Variants in SH3GL3 observed in about 807,000 individuals in gnomAD.
SH3GL3 encodes endophilin-A3.
SH3GL3 carries 33 observed loss-of-function variants against 47.7 expected under a neutral mutation model. The observed-to-expected ratio is 0.69, with a 90% CI of 0.52 to 0.92. The LOEUF (loss-of-function observed/expected upper bound fraction) is 0.92. SH3GL3 is among the 40% of genes least tolerant of loss of function. The pLI, the probability that SH3GL3 is intolerant of heterozygous loss-of-function variation, is 0.00. For missense variants in SH3GL3, 363 were observed against 417.8 expected (o/e 0.87, Z 1.14); for synonymous variants, 155 against 148.8 (o/e 1.04, Z -0.30).
intron 8 of SH3GL3, among the ~76,000 whole-genome samples, chr15:83,617,244 T>A (rs2060847541): frequency 6.6e-6 from 1 of 152,232 alleles, no homozygotes; most frequent in South Asian, 2.1e-4. Flanking sequence ...ATTCTTGCCT[T>A]TCTTGTCCTG....
At chr15:83,605,694 C>T (rs991739216) in intron 8 of SH3GL3, among the ~76,000 whole-genome samples, 2 of 152,268 alleles carry the variant, frequency 1.3e-5, no homozygotes, top group African/African-American at 2.4e-5. Context: ...GGGAGAATCA[C>T]ATCTTGAAAT....
At chr15:83,553,529 A>G (rs1243390689) in intron 1 of SH3GL3, among the ~76,000 whole-genome samples, 1 of 151,862 alleles carries the variant, frequency 6.6e-6, no homozygotes, top group Non-Finnish European at 1.5e-5. Context: ...TTTCTTTTGG[A>G]TTGAAAAATA....
At chr15:83,562,073 ACACACACACT>A (rs755860861) in intron 2 of SH3GL3, among the ~76,000 whole-genome samples, 1,281 of 118,464 alleles carry the variant, frequency 0.011, 10 homozygotes, top group Non-Finnish European at 0.017. Context: ...ACACACACAC[ACACACACACT>A]ATAGTGTCCC....
chr15:83,616,360 C>T (rs1300848792), intron 8 of SH3GL3, among the ~76,000 whole-genome samples: 13 of 147,526 alleles, frequency 8.8e-5, no homozygotes, highest in African/African-American at 3.3e-4. Flanking sequence ...TCACGCCATT[C>T]TCCTGCCTCA....
intron 1 of SH3GL3, among the ~76,000 whole-genome samples, chr15:83,477,717 G>T (rs1339708410): frequency 1.3e-5 from 2 of 152,134 alleles, no homozygotes; most frequent in Admixed American, 1.3e-4. Context: ...TGCCAGACAT[G>T]CATACTTAAA....
At chr15:83,598,507 T>C (rs2060292563) in intron 8 of SH3GL3, among the ~76,000 whole-genome samples, 1 of 152,208 alleles carries the variant, frequency 6.6e-6, no homozygotes, top group African/African-American at 2.4e-5. Flanking sequence ...GTGATAGGGA[T>C]TTGGTACATG....
At chr15:83,557,111 T>C (rs2045002573) in intron 1 of SH3GL3, among the ~76,000 whole-genome samples, 1 of 152,236 alleles carries the variant, frequency 6.6e-6, no homozygotes. Context: ...AATAGACTTC[T>C]TAATGAGAGG....
At chr15:83,619,321 A>C (rs2060902165), downstream of SH3GL3, among the ~76,000 whole-genome samples, 3 of 152,192 alleles carry the variant, frequency 2.0e-5, no homozygotes, top group South Asian at 4.1e-4. Flanking sequence ...GCAATAAAAC[A>C]AGTCACACAA....
chr15:83,462,829 C>G (rs1255844055), intron 1 of SH3GL3, among the ~76,000 whole-genome samples: 5 of 152,208 alleles, frequency 3.3e-5, no homozygotes, highest in Non-Finnish European at 7.3e-5. Flanking sequence ...TTATGGCCTT[C>G]TTGTTGCTCA....
chr15:83,556,387 CTT>C (rs1338323585), intron 1 of SH3GL3, among the ~76,000 whole-genome samples: 1 of 152,236 alleles, frequency 6.6e-6, no homozygotes, highest in Admixed American at 6.5e-5. Context: ...GATCATGACT[CTT>C]AACCTGTGAC....
chr15:83,576,589 C>T lies in SH3GL3; in HGVS notation c.472C>T (p.Leu158=), dbSNP rs781268362. The T allele has an allele frequency of 2.5e-6, 4 of 1,601,492 alleles. No homozygotes were observed. Among genetic ancestry groups the T allele is most frequent in the Non-Finnish European group, 3.4e-6 (4 of 1,176,048 alleles). ...CTCCATTCTCTTTTTTTAGCATCAC[C>T]TGAAAAAGCTGGAAGGCCGCCGCCT... ...DKDLKEIGHH[L]KKLEGRRLDY... Residue 158 remains leucine (L), a synonymous_variant, in exon 6 of 9, where the codon CTG becomes TTG. Coordinates refer to ENST00000427482, the MANE Select transcript of SH3GL3 (RefSeq NM_003027.5).
chr15:83,609,467 GTCAGTAGCT>G (rs2060608756), intron 8 of SH3GL3: 1 of 372,858 alleles, frequency 2.7e-6, no homozygotes, highest in Admixed American at 3.4e-5. Flanking sequence ...CCCTACTCAG[GTCAGTAGCT>G]TCTGGGAGAC....
intron 6 of SH3GL3, among the ~76,000 whole-genome samples, 180 bp downstream of exon 6, chr15:83,576,921 A>ATTTTTTTTTTTTTTTTTTTTTTTTT (rs71156087): frequency 1.2e-5 from 1 of 86,564 alleles, no homozygotes; most frequent in Non-Finnish European, 2.2e-5. Flanking sequence ...AAAAATCATA[A>ATTTTTTTTTTTTTTTTTTTTTTTTT]TTTTTTTTTT....
At chr15:83,528,687 C>G (rs2043530218) in intron 1 of SH3GL3, among the ~76,000 whole-genome samples, 1 of 151,962 alleles carries the variant, frequency 6.6e-6, no homozygotes, top group Non-Finnish European at 1.5e-5. Context: ...TAGTGAATTT[C>G]TCATTCACAT....
chr15:83,536,649 A>C (rs957356424), intron 1 of SH3GL3, among the ~76,000 whole-genome samples: 1 of 151,976 alleles, frequency 6.6e-6, no homozygotes, highest in Non-Finnish European at 1.5e-5. Flanking sequence ...GATCCACCCA[A>C]AGTGCTGGGA....
intron 8 of SH3GL3, among the ~76,000 whole-genome samples, chr15:83,604,414 C>T (rs2060464646): frequency 6.6e-6 from 1 of 152,132 alleles, no homozygotes; most frequent in African/African-American, 2.4e-5. Flanking sequence ...TTGATTTGAG[C>T]TCACAGACTG....
At chr15:83,630,989 G>C in the SH3GL3 span, among the ~76,000 whole-genome samples, 3 of 152,132 alleles carry the variant, frequency 2.0e-5, no homozygotes, top group South Asian at 4.1e-4. Context: ...TAAAAAACAA[G>C]TTAGTTACTT....
chr15:83,566,371 T>A (rs62027557), intron 3 of SH3GL3, among the ~76,000 whole-genome samples: 39,416 of 119,650 alleles, frequency 0.33, 5,418 homozygotes, highest in Admixed American at 0.43. Flanking sequence ...AGAGAGTGTG[T>A]GTGTGTGTGT....
chr15:83,619,996 G>A (rs1375188148), downstream of SH3GL3, among the ~76,000 whole-genome samples: 1 of 152,150 alleles, frequency 6.6e-6, no homozygotes, highest in Non-Finnish European at 1.5e-5. Flanking sequence ...TTACAATAAT[G>A]TTCACAGCAT....
Sources: allele counts gnomAD v4.1 joint callset (sites outside exome capture counted in the v4.1 genomes callset), GRCh38; gene constraint gnomAD v4.1.1; transcripts MANE v1.5; gene names NCBI Gene and HGNC (gene_info 2026-07-23, HGNC 2026-07-21).